FXR1: variants seen among roughly 807,000 people sequenced by gnomAD.
The protein encoded by FXR1 is FMR1 autosomal homolog 1.
FXR1 carries 15 observed loss-of-function variants against 84.0 expected under a neutral mutation model. The ratio of observed to expected loss-of-function variants is 0.18; its 90% CI spans 0.12 to 0.27. The LOEUF (loss-of-function observed/expected upper bound fraction) is 0.27. Among genes scored for constraint, FXR1 ranks in the 10% least tolerant of loss-of-function variants. The pLI is 1.00. For missense variants in FXR1, 480 were observed against 774.4 expected (o/e 0.62, Z 4.51); for synonymous variants, 245 against 250.7 (o/e 0.98, Z 0.21).
At chr3:180,953,039 T>C (rs954607790) in intron 8 of FXR1, among the ~76,000 whole-genome samples, 7 of 152,104 alleles carry the variant, frequency 4.6e-5, no homozygotes, top group Admixed American at 2.6e-4. Flanking sequence ...GATGGAGGTT[T>C]CCTATGTTGC....
Position 180,981,737 on chromosome 3 carries a change from T to C in FXR1, c.*5445T>C, listed in dbSNP as rs1363204130. On this transcript the variant is annotated 3_prime_UTR_variant, in exon 17 of 17. Coordinates refer to ENST00000357559, the MANE Select transcript of FXR1 (RefSeq NM_005087.4). The stretch of plus-strand genomic sequence containing the variant: ...ACCTTAGAAAAAAGACCATTTGCTC[T>C]GGACTTTTGTTTCCCAAGCCATAAA... The C allele has an allele frequency of 2.6e-5, 4 of 152,104 alleles. No homozygotes were observed. The East Asian group carries it at 7.7e-4, about 29-fold the overall frequency. The allele number at this position is 152,104 out of a possible 1,614,324, so 9.4% of individuals were successfully genotyped here. A position where few individuals can be genotyped will look rare whatever the true frequency, so the allele number is the denominator to read the frequency against.
chr3:180,949,692 G>GT (rs1249632651), intron 7 of FXR1, among the ~76,000 whole-genome samples: 3 of 152,294 alleles, frequency 2.0e-5, no homozygotes, highest in African/African-American at 7.2e-5. Flanking sequence ...CCCCCATTTA[G>GT]TTTTATATTT....
intron 1 of FXR1, 45 bp from the exon 2 acceptor site, chr3:180,933,289 A>C (rs1363349557): frequency 8.9e-7 from 1 of 1,120,488 alleles, no homozygotes; most frequent in South Asian, 1.3e-5. Context: ...AGAGTTACGA[A>C]GTGCTTTAAT....
chr3:180,916,436 C>T (rs1396538986), intron 1 of FXR1, among the ~76,000 whole-genome samples: 8 of 152,114 alleles, frequency 5.3e-5, no homozygotes, highest in Non-Finnish European at 8.8e-5. Flanking sequence ...CTCTTTTGCC[C>T]GGGTGGGAGC....
chr3:180,922,372 A>T (rs1313195433), intron 1 of FXR1, among the ~76,000 whole-genome samples: 1 of 152,130 alleles, frequency 6.6e-6, no homozygotes, highest in Non-Finnish European at 1.5e-5. Context: ...ATGTAAAGGG[A>T]TATCTCATTG....
chr3:180,934,389 A>G (rs551294439), intron 2 of FXR1, among the ~76,000 whole-genome samples: 1 of 152,334 alleles, frequency 6.6e-6, no homozygotes, highest in East Asian at 1.9e-4. Flanking sequence ...CCAGACATAT[A>G]AATGACCTAT....
chr3:180,932,578 A>C (rs1433414472), intron 1 of FXR1, among the ~76,000 whole-genome samples: 1 of 152,202 alleles, frequency 6.6e-6, no homozygotes, highest in Non-Finnish European at 1.5e-5. Context: ...GGAAGATAGA[A>C]TAAGAAGGCT....
intron 3 of FXR1, among the ~76,000 whole-genome samples, chr3:180,936,299 A>T (rs1720518345): frequency 1.3e-5 from 2 of 151,754 alleles, no homozygotes; most frequent in Admixed American, 1.3e-4. Context: ...ATGGAGTCTC[A>T]CTCTGTCGCC....
Position 180,912,700 on chromosome 3 carries a change from G to C in FXR1, c.15G>C (p.Thr5=). ...GCGGTTCCAACATGGCGGAGCTGAC[G>C]GTGGAGGTTCGCGGCTCTAACGGGG... MAEL[T]VEVRGSNGAF... The change falls in exon 1 of 17, where the codon ACG becomes ACC. Residue 5 remains threonine, a synonymous_variant. Transcript: ENST00000357559. The C allele has an allele frequency of 1.9e-6, 3 of 1,613,932 alleles. No individual in the cohort carries two copies. Among genetic ancestry groups the C allele is most frequent in the Non-Finnish European group, 1.7e-6 (2 of 1,179,940 alleles).
chr3:180,962,225 G>C (rs1805620), intron 11 of FXR1, among the ~76,000 whole-genome samples: 9,137 of 152,004 alleles, frequency 0.06, 366 homozygotes, highest in South Asian at 0.1. Flanking sequence ...CCAGTCTGTC[G>C]TATCATTGTT....
intron 1 of FXR1, among the ~76,000 whole-genome samples, chr3:180,925,632 T>C (rs1353791422): frequency 6.6e-6 from 1 of 152,166 alleles, no homozygotes; most frequent in Non-Finnish European, 1.5e-5. Flanking sequence ...CTGACTGACA[T>C]GTGGCTATCA....
At chr3:180,924,961 C>G (rs1237748599) in intron 1 of FXR1, among the ~76,000 whole-genome samples, 1 of 152,136 alleles carries the variant, frequency 6.6e-6, no homozygotes, top group East Asian at 1.9e-4. Flanking sequence ...ATGGGAAGTT[C>G]AAGCAAAAGA....
At position 180,954,986 on chromosome 3, in the gene FXR1, A is replaced by ATT. The variant is rs1722603814; in HGVS notation, c.880+1146_880+1147insTT. ...AACTGTTAGTATTTATGTAAAAATA[A>ATT]ATTTTTTTTTTTTTTTTTTGGAGAT... On this transcript the variant is annotated intron_variant, in intron 9 of 16. Coordinates refer to ENST00000357559, the MANE Select transcript of FXR1 (RefSeq NM_005087.4). Among the ~76,000 whole-genome samples, 6 of 142,208 alleles carry ATT rather than the reference A, an allele frequency of 4.2e-5. No individual in the cohort carries two copies. The South Asian group carries it at 1.4e-3, about 33-fold the overall frequency. The allele number at this position is 142,208 out of a possible 152,430, so 93.3% of individuals were successfully genotyped here.
rs574659274 is a variant in FXR1 at position 180,979,940 on chromosome 3, T to C, written c.*3648T>C. On this transcript the variant is annotated 3_prime_UTR_variant, in exon 17 of 17. Coordinates refer to ENST00000357559, the MANE Select transcript of FXR1 (RefSeq NM_005087.4). The stretch of plus-strand genomic sequence containing the variant: ...CCCTGGAAAAACTATATTCTAGTTT[T>C]GTAAGATGATTTCCCACAGTCCATT... 2.0e-5 allele frequency: 3 copies of C among 152,112 alleles called. No homozygotes were observed. Among genetic ancestry groups the C allele is most frequent in the Non-Finnish European group, 4.4e-5 (3 of 67,970 alleles). 9.4% of individuals were successfully genotyped at this position (152,112 alleles called of 1,614,324 possible).
chr3:180,924,182 T>G (rs576952857), intron 1 of FXR1, among the ~76,000 whole-genome samples: 32 of 152,250 alleles, frequency 2.1e-4, no homozygotes, highest in African/African-American at 7.2e-4. Context: ...ACTCCTGACC[T>G]CAGGTGATCT....
chr3:180,938,841 C>T (rs1720816937), intron 3 of FXR1, among the ~76,000 whole-genome samples: 1 of 152,052 alleles, frequency 6.6e-6, no homozygotes, highest in Non-Finnish European at 1.5e-5. Context: ...AGCCACTGTG[C>T]CCAGCCCTGA....
intron 3 of FXR1, among the ~76,000 whole-genome samples, chr3:180,943,265 CTTTTTTTTTTTT>C (rs71182562): frequency 7.2e-5 from 2 of 27,652 alleles, no homozygotes; most frequent in Non-Finnish European, 1.2e-4. Flanking sequence ...CTGTGCCCGG[CTTTTTTTTTTTT>C]TTTTTTTTTT....
At chr3:180,930,792 T>C (rs1228290701) in intron 1 of FXR1, among the ~76,000 whole-genome samples, 1 of 152,062 alleles carries the variant, frequency 6.6e-6, no homozygotes, top group African/African-American at 2.4e-5. Context: ...CTCAGCACTT[T>C]GGGAGGCTGA....
intron 1 of FXR1, among the ~76,000 whole-genome samples, chr3:180,918,078 A>G (rs1212172743): frequency 6.6e-6 from 1 of 152,110 alleles, no homozygotes; most frequent in Non-Finnish European, 1.5e-5. Flanking sequence ...ACCTATCTAG[A>G]GAGATACTGT....
Sources: allele counts gnomAD v4.1 joint callset (sites outside exome capture counted in the v4.1 genomes callset), GRCh38; gene constraint gnomAD v4.1.1; transcripts MANE v1.5; gene names NCBI Gene and HGNC (gene_info 2026-07-23, HGNC 2026-07-21).